CDC42BPA: variants seen among roughly 807,000 people sequenced by gnomAD.
The protein encoded by CDC42BPA is CDC42 binding protein kinase alpha, also known as serine/threonine-protein kinase MRCK alpha.
Under a neutral mutation model 223.5 loss-of-function variants are expected in CDC42BPA, and 80 were observed. The observed-to-expected ratio is 0.36, with a 90% CI of 0.30 to 0.43. The LOEUF is 0.43. Ranked by LOEUF, CDC42BPA falls within the 20% of genes least tolerant of loss-of-function variation. The pLI is 1.00. For missense variants in CDC42BPA, 1,743 were observed against 2,099.9 expected, an observed-to-expected ratio of 0.83 and a Z score of 3.32; for synonymous variants, 694 against 718.6, an observed-to-expected ratio of 0.97 and a Z score of 0.55.
chr1:227,195,557 T>C (rs937795512), intron 4 of CDC42BPA, among the ~76,000 whole-genome samples: 1 of 152,178 alleles, frequency 6.6e-6, no homozygotes, highest in Non-Finnish European at 1.5e-5. Context: ...ACAGAGTCTA[T>C]AAGACTAAAA....
At chr1:227,125,203 GA>G (rs34748267) in intron 11 of CDC42BPA, among the ~76,000 whole-genome samples, 7 of 148,078 alleles carry the variant, frequency 4.7e-5, no homozygotes, top group African/African-American at 1.5e-4. Flanking sequence ...AAACATCACA[GA>G]AAAAAAAAAA....
chr1:227,278,128 T>G (rs1253012799), intron 1 of CDC42BPA, among the ~76,000 whole-genome samples: 1 of 152,236 alleles, frequency 6.6e-6, no homozygotes, highest in Non-Finnish European at 1.5e-5. Context: ...AGACTGACTT[T>G]AGAGCCCAGG....
At chr1:227,068,389 T>C (rs187243254) in intron 21 of CDC42BPA, 1 of 156,200 alleles carries the variant, frequency 6.4e-6, no homozygotes, top group Admixed American at 6.6e-5. Flanking sequence ...AAATAAGCAT[T>C]CTAGTTTTAG....
chr1:227,085,551 A>G (rs984864727), intron 16 of CDC42BPA, among the ~76,000 whole-genome samples: 2 of 152,234 alleles, frequency 1.3e-5, no homozygotes, highest in Non-Finnish European at 2.9e-5. Context: ...GTGCAGAGAT[A>G]GGCAATTTTG....
At chr1:227,027,962 AT>A (rs1239770862) in intron 30 of CDC42BPA, among the ~76,000 whole-genome samples, 6 of 151,998 alleles carry the variant, frequency 3.9e-5, no homozygotes, top group Admixed American at 2.0e-4. Flanking sequence ...AAAACAAAAA[AT>A]AAAAACATAA....
At chr1:227,135,732 T>C (rs1273845163) in intron 10 of CDC42BPA, among the ~76,000 whole-genome samples, 2 of 151,682 alleles carry the variant, frequency 1.3e-5, no homozygotes, top group African/African-American at 2.4e-5. Context: ...CACGTGCCTG[T>C]AGTCCCAGTT....
intron 28 of CDC42BPA, 33 bp downstream of exon 28, chr1:227,031,265 G>A (rs747097474): frequency 6.6e-7 from 1 of 1,521,328 alleles, no homozygotes; most frequent in Non-Finnish European, 9.1e-7. Context: ...AGTAAACAAT[G>A]ATAATAATAT....
intron 21 of CDC42BPA, among the ~76,000 whole-genome samples, chr1:227,063,907 T>C (rs552540992): frequency 2.0e-5 from 3 of 152,288 alleles, no homozygotes; most frequent in African/African-American, 7.2e-5. Flanking sequence ...GATAAAACCA[T>C]GTGAAATCAA....
intron 11 of CDC42BPA, among the ~76,000 whole-genome samples, chr1:227,124,863 G>T (rs60641481): frequency 0.15 from 23,413 of 151,888 alleles, 2,185 homozygotes; most frequent in African/African-American, 0.25. Flanking sequence ...AGAAGGAATA[G>T]ATATATTTCC....
At chr1:227,306,836 C>CT (rs1281862423) in intron 1 of CDC42BPA, among the ~76,000 whole-genome samples, 1 of 152,150 alleles carries the variant, frequency 6.6e-6, no homozygotes, top group East Asian at 1.9e-4. Context: ...TTTTTTAAAT[C>CT]TCAGGGCATA....
chr1:227,213,371 GC>G (rs67834063), intron 2 of CDC42BPA, 152 bp from the exon 3 acceptor site: 153,645 of 524,212 alleles, frequency 0.29, 23,744 homozygotes, highest in East Asian at 0.38. Flanking sequence ...AAATAATGTT[GC>G]CAGATGAAAA....
At chr1:227,019,201 CAAT>C (rs749116331) in intron 32 of CDC42BPA, among the ~76,000 whole-genome samples, 3 of 152,122 alleles carry the variant, frequency 2.0e-5, no homozygotes, top group Non-Finnish European at 4.4e-5. Context: ...GTTTTTTCAA[CAAT>C]GTTCTTAACA....
At chr1:227,128,444 A>G (rs1376419055) in intron 11 of CDC42BPA, among the ~76,000 whole-genome samples, 1 of 152,042 alleles carries the variant, frequency 6.6e-6, no homozygotes. Context: ...AAAGTTATAT[A>G]TTTACTGGTT....
chr1:227,109,257 A>T (rs1686483092), intron 14 of CDC42BPA, among the ~76,000 whole-genome samples: 1 of 152,188 alleles, frequency 6.6e-6, no homozygotes, highest in South Asian at 2.1e-4. Context: ...TTACTTATCC[A>T]ATAAAAAACT....
chr1:227,280,011 T>C (rs184389710), intron 1 of CDC42BPA, among the ~76,000 whole-genome samples: 7 of 152,170 alleles, frequency 4.6e-5, no homozygotes, highest in African/African-American at 1.7e-4. Context: ...TGAACCGAGA[T>C]TGTGCCACTG....
intron 5 of CDC42BPA, among the ~76,000 whole-genome samples, chr1:227,192,545 T>C (rs1432633528): frequency 1.3e-5 from 2 of 152,226 alleles, no homozygotes; most frequent in Non-Finnish European, 2.9e-5. Flanking sequence ...TACGTACTTC[T>C]CCTCAGCATC....
chr1:227,228,186 C>T (rs1040059640), intron 2 of CDC42BPA, among the ~76,000 whole-genome samples: 4 of 152,182 alleles, frequency 2.6e-5, no homozygotes, highest in African/African-American at 9.7e-5. Flanking sequence ...AGCTTAATCA[C>T]CTAGGTGATG....
chr1:227,078,232 G>C (rs928936710), intron 17 of CDC42BPA, among the ~76,000 whole-genome samples: 1 of 152,052 alleles, frequency 6.6e-6, no homozygotes, highest in East Asian at 1.9e-4. Flanking sequence ...CCCTTCTTGA[G>C]CAACTAGTCT....
chr1:227,100,464 T>C (rs867880838), intron 15 of CDC42BPA, among the ~76,000 whole-genome samples: 13 of 152,340 alleles, frequency 8.5e-5, no homozygotes, highest in South Asian at 2.1e-4. Flanking sequence ...GTTTCAGTCA[T>C]AGTAAACAGC....
Sources: gnomAD v4.1 joint callset for allele counts (sites outside exome capture counted in the v4.1 genomes callset) on GRCh38, gnomAD v4.1.1 for gene constraint, MANE v1.5 for transcripts, NCBI Gene and HGNC (gene_info 2026-07-23, HGNC 2026-07-21) for gene names.